Variants in FBXL13 observed in about 807,000 individuals in gnomAD.
The protein encoded by FBXL13 is F-box and leucine rich repeat protein 13.
A neutral mutation model predicts 83.6 loss-of-function variants in FBXL13; 67 were observed. The observed-to-expected ratio is 0.80, with a 90% CI of 0.66 to 0.98. The LOEUF is 0.98. FBXL13 is among the 50% of genes least tolerant of loss of function. The pLI is 0.00. For synonymous variants in FBXL13, 272 were observed against 299.5 expected, an observed-to-expected ratio of 0.91 and a Z score of 0.95; for missense variants, 822 against 866.5, an observed-to-expected ratio of 0.95 and a Z score of 0.64.
chr7:102,879,531 A>T (rs73408210), intron 14 of FBXL13, among the ~76,000 whole-genome samples: 1,634 of 152,104 alleles, frequency 0.011, 20 homozygotes, highest in African/African-American at 0.037. Flanking sequence ...TTATTGAGGT[A>T]ATGATCCAAA....
chr7:102,832,036 T>G (rs1231592071), intron 18 of FBXL13, among the ~76,000 whole-genome samples: 1 of 152,212 alleles, frequency 6.6e-6, no homozygotes, highest in East Asian at 1.9e-4. Flanking sequence ...ACAAACTTTC[T>G]GTAACTATTT....
intron 16 of FBXL13, among the ~76,000 whole-genome samples, chr7:102,867,679 ATATATATATATATATAT>A: frequency 1.3e-5 from 1 of 74,976 alleles, no homozygotes; most frequent in African/African-American, 9.6e-5. Flanking sequence ...ATATATATAT[ATATATATATATATATAT>A]TTTTTTTTTT....
chr7:103,074,098 C>G (rs1220493811), intron 1 of FBXL13: 2 of 310,142 alleles, frequency 6.4e-6, no homozygotes, highest in Non-Finnish European at 9.4e-6. Flanking sequence ...GCAGTCCTTC[C>G]TGTTGTCTAA....
intron 17 of FBXL13, among the ~76,000 whole-genome samples, chr7:102,849,741 C>A (rs1203982225): frequency 6.6e-6 from 1 of 151,916 alleles, no homozygotes; most frequent in Non-Finnish European, 1.5e-5. Context: ...CTGGAGGAGG[C>A]AAGGGGAAAG....
At position 102,834,473 on chromosome 7, in the gene FBXL13, A is replaced by ATATATATATATATATGTG. The variant is rs1491519097; in HGVS notation, c.1720-1500_1720-1499insCACATATATATATATATA. ...TATGTGATTATATATATATATATAT[A>ATATATATATATATATGTG]TGTGATGTGGCTCTTAGCACAAAAT... On this transcript the variant is annotated intron_variant, in intron 17 of 19. Transcript: ENST00000313221. 2.3e-4 allele frequency: 33 copies of ATATATATATATATATGTG among 141,540 alleles called. 2 individuals carry two copies. The East Asian group carries it at 2.6e-3, about 11-fold the overall frequency. 8.8% of individuals were successfully genotyped at this position (141,540 alleles called of 1,614,324 possible).
chr7:103,022,104 G>A (rs1793252878), intron 6 of FBXL13, among the ~76,000 whole-genome samples: 1 of 152,146 alleles, frequency 6.6e-6, no homozygotes, highest in South Asian at 2.1e-4. Context: ...TGATAGACTG[G>A]ATTAAGAAAA....
At chr7:103,003,843 C>A (rs966826296) in intron 6 of FBXL13, among the ~76,000 whole-genome samples, 1 of 152,200 alleles carries the variant, frequency 6.6e-6, no homozygotes, top group African/African-American at 2.4e-5. Context: ...TCCTAAAGTG[C>A]TGGGATTACA....
Position 102,949,598 on chromosome 7 carries a change from T to C in FBXL13, c.724+13935A>G, listed in dbSNP as rs569895415. On this transcript the variant is annotated intron_variant, in intron 8 of 19. Coordinates refer to ENST00000313221, the Ensembl canonical transcript of FBXL13. ...AAGATAAGACAGACATTACATTTGC[T>C]TCCTTAAAAAAAATCAAGGTCTACT... is the stretch of plus-strand genomic sequence containing the variant. 9.9e-5 allele frequency among the ~76,000 whole-genome samples: 15 copies of C among 152,282 alleles called. No individual in the cohort carries two copies. The South Asian group carries it at 3.1e-3, about 32-fold the overall frequency.
intron 2 of FBXL13, among the ~76,000 whole-genome samples, chr7:103,047,402 T>C (rs1796380787): frequency 6.6e-6 from 1 of 152,202 alleles, no homozygotes; most frequent in Admixed American, 6.5e-5. Context: ...TACCAGTTGT[T>C]TCTCCAATTT....
intron 9 of FBXL13, 25 bp downstream of exon 10, chr7:102,931,856 A>G: frequency 6.2e-7 from 1 of 1,608,408 alleles, no homozygotes; most frequent in South Asian, 1.1e-5. Context: ...TATAAACAGC[A>G]GTAAAAATGG....
intron 2 of FBXL13, among the ~76,000 whole-genome samples, chr7:103,042,447 T>C (rs1795823326): frequency 6.6e-6 from 1 of 152,180 alleles, no homozygotes; most frequent in African/African-American, 2.4e-5. Context: ...TACCACTGAC[T>C]TTCTTCACAG....
intron 18 of FBXL13, among the ~76,000 whole-genome samples, chr7:102,824,452 A>G (rs913308799): frequency 1.3e-5 from 2 of 152,136 alleles, no homozygotes; most frequent in African/African-American, 4.8e-5. Context: ...CCCCATTAAC[A>G]GATTTGTAAA....
rs1826491395 is a variant in FBXL13 at position 102,970,333 on chromosome 7, T to C, written c.496-2216A>G. On this transcript the variant is annotated intron_variant, in intron 6 of 19. Transcript: ENST00000313221. ...GGTTTGGGTTAAACAGAAATAATAA[T>C]AAATTCATTTTTTTTAAAAAAATGA... Among the ~76,000 whole-genome samples, 3 of 152,140 alleles carry C rather than the reference T, an allele frequency of 2.0e-5. No homozygotes were observed. The South Asian group carries it at 6.2e-4, about 32-fold the overall frequency.
At chr7:103,008,355 C>T (rs955111886) in intron 6 of FBXL13, among the ~76,000 whole-genome samples, 3 of 152,132 alleles carry the variant, frequency 2.0e-5, no homozygotes, top group Admixed American at 6.5e-5. Flanking sequence ...CAACTGAAGA[C>T]ACCTGAATTG....
At chr7:102,881,067 T>C (rs938197206) in intron 14 of FBXL13, among the ~76,000 whole-genome samples, 3 of 152,216 alleles carry the variant, frequency 2.0e-5, no homozygotes, top group Non-Finnish European at 2.9e-5. Context: ...ATTGAAAATA[T>C]ATTTAATCAC....
chr7:102,918,276 T>C (rs774065869), intron 10 of FBXL13, among the ~76,000 whole-genome samples: 1 of 152,220 alleles, frequency 6.6e-6, no homozygotes, highest in African/African-American at 2.4e-5. Flanking sequence ...TCAAGTAGTA[T>C]CTATTCTGAA....
rs182249874 is a variant in FBXL13 at position 102,948,712 on chromosome 7, A to G, written c.724+14821T>C. Among the ~76,000 whole-genome samples the G allele has an allele frequency of 3.8e-3, 568 of 147,944 alleles. 5 individuals are homozygous for G. The highest frequency in any genetic ancestry group is 0.014 in the African/African-American group (561 of 39,634). Reference sequence around the variant, plus strand: ...GCTGGGATTACAGGTGTGAGCCACCACGCCCAGCCTTTTTTTTTTGACACA... The same window carrying G: ...GCTGGGATTACAGGTGTGAGCCACCGCGCCCAGCCTTTTTTTTTTGACACA... On this transcript the variant is annotated intron_variant, in intron 8 of 19. Transcript: ENST00000313221.
At chr7:102,826,086 T>C (rs971811241) in intron 18 of FBXL13, among the ~76,000 whole-genome samples, 1 of 152,214 alleles carries the variant, frequency 6.6e-6, no homozygotes, top group African/African-American at 2.4e-5. Flanking sequence ...AAAAGAGAAC[T>C]TGACTGTTGG....
intron 6 of FBXL13, among the ~76,000 whole-genome samples, chr7:103,019,974 T>C (rs1792926716): frequency 1.3e-5 from 2 of 152,214 alleles, no homozygotes; most frequent in African/African-American, 2.4e-5. Flanking sequence ...ACTCATTTTA[T>C]GAGGCCAGCA....
Sources: gnomAD v4.1 joint callset for allele counts (sites outside exome capture counted in the v4.1 genomes callset) on GRCh38, gnomAD v4.1.1 for gene constraint, MANE v1.5 for transcripts, NCBI Gene and HGNC (gene_info 2026-07-23, HGNC 2026-07-21) for gene names.